ALG8: variants seen among roughly 807,000 people sequenced by gnomAD.
ALG8 encodes the protein ALG8 alpha-1,3-glucosyltransferase.
In ALG8, 48 loss-of-function variants were observed where a neutral mutation model predicts 70.2. The ratio of observed to expected loss-of-function variants is 0.68; its 90% confidence interval spans 0.54 to 0.87. The LOEUF is 0.87. Ranked by LOEUF, ALG8 falls within the 40% of genes least tolerant of loss-of-function variation. ALG8 has a pLI of 0.00. For synonymous variants in ALG8, 234 were observed against 229.0 expected (o/e 1.02, Z -0.20); for missense variants, 572 against 608.7 (o/e 0.94, Z 0.64).
At chr11:78,114,680 A>C in intron 5 of ALG8, 1 of 441,120 alleles carries the variant, frequency 2.3e-6, no homozygotes, top group Non-Finnish European at 4.2e-6. Context: ...AAAAACTAAA[A>C]TTAGGCTAAG....
Position 78,101,079 on chromosome 11 carries a change from A to T in ALG8, c.1466T>A (p.Phe489Tyr). 1 of 1,614,236 alleles carries T rather than the reference A, an allele frequency of 6.2e-7. No homozygotes were observed. The highest frequency in any genetic ancestry group is 8.5e-7 in the Non-Finnish European group (1 of 1,180,026). Residue 489 changes from phenylalanine to tyrosine, a missense_variant, in exon 13 of 13, where the codon TTC (phenylalanine) becomes TAC (tyrosine). Phe to Tyr is a conservative substitution (Grantham distance 22). Transcript: ENST00000299626. ...PFTSWKVKYP[F>Y]IPLLLTSVYC... Reference sequence around the variant, plus strand: ...CACTGAGGTTAGTAACAAAGGGATGAAGGGGTACTTCACCTTCCAGGAGGT... The same window carrying T: ...CACTGAGGTTAGTAACAAAGGGATGTAGGGGTACTTCACCTTCCAGGAGGT...
chr11:78,115,525 A>C (rs979297774), intron 5 of ALG8, among the ~76,000 whole-genome samples: 2 of 151,580 alleles, frequency 1.3e-5, no homozygotes, highest in African/African-American at 4.9e-5. Flanking sequence ...TGGGATTACA[A>C]GTGCCCACCA....
intron 1 of ALG8, chr11:78,138,821 A>G (rs1324936821): frequency 8.8e-6 from 4 of 456,218 alleles, no homozygotes; most frequent in South Asian, 6.2e-5. Flanking sequence ...ACCCTGTGTT[A>G]TCTGTCCCCA....
chr11:78,117,052 T>C (rs1860606206), intron 5 of ALG8, among the ~76,000 whole-genome samples: 1 of 152,222 alleles, frequency 6.6e-6, no homozygotes, highest in African/African-American at 2.4e-5. Context: ...AAGCTTTTTA[T>C]GGTTAAAAGA....
At chr11:78,126,706 C>A (rs1252620412) in intron 2 of ALG8, among the ~76,000 whole-genome samples, 1 of 152,086 alleles carries the variant, frequency 6.6e-6, no homozygotes, top group Non-Finnish European at 1.5e-5. Flanking sequence ...ATAATTCACT[C>A]CAAATCCTCA....
chr11:78,136,381 A>G (rs1861553239), intron 1 of ALG8, among the ~76,000 whole-genome samples: 1 of 151,304 alleles, frequency 6.6e-6, no homozygotes, highest in East Asian at 1.9e-4. Context: ...GAGAGAAAGG[A>G]AAAAAAATTA....
At position 78,106,774 on chromosome 11, in the gene ALG8, C is replaced by A. The variant is rs749810326; in HGVS notation, c.1178+33G>T. The A allele has an allele frequency of 1.8e-5, 29 of 1,612,872 alleles. No homozygotes were observed. The Admixed American group carries it at 4.7e-4, about 26-fold the overall frequency. On this transcript the variant is annotated intron_variant, in intron 10 of 12. Transcript: ENST00000299626. ...GAAAATAGGATCATTGTGAAATATG[C>A]CAAAATGCTCACTGGCTGAGCTATC...
In ALG8 at chr11:78,139,555, T is replaced by A. The variant is rs370933616; in HGVS notation, c.34A>T (p.Asn12Tyr). ...CCGAGCGCCAAAGCCGAAAACCAAT[T>A]GCCAGTACCCGTGGCAATTGTGAGC... The part of the protein sequence containing the change: ...AALTIATGTG[N>Y]WFSALALGVT... Residue 12 changes from asparagine (N) to tyrosine (Y), a missense_variant, in exon 1 of 13, where the codon AAT becomes TAT. Coordinates refer to ENST00000299626, the MANE Select transcript of ALG8 (RefSeq NM_024079.5). The A allele has an allele frequency of 2.8e-5, 44 of 1,561,676 alleles. No homozygotes were observed. Among genetic ancestry groups the A allele is most frequent in the Non-Finnish European group, 3.8e-5 (44 of 1,152,446 alleles).
intron 5 of ALG8, among the ~76,000 whole-genome samples, chr11:78,117,579 C>A (rs1860631200): frequency 6.7e-6 from 1 of 148,246 alleles, no homozygotes; most frequent in South Asian, 2.2e-4. Context: ...TTAAGACCAG[C>A]CTGGACAACA....
At chr11:78,116,869 G>T (rs1243498051) in intron 5 of ALG8, among the ~76,000 whole-genome samples, 1 of 152,168 alleles carries the variant, frequency 6.6e-6, no homozygotes, top group Non-Finnish European at 1.5e-5. Flanking sequence ...TCTAGAATTG[G>T]TAGCTTTAGG....
intron 3 of ALG8, among the ~76,000 whole-genome samples, chr11:78,123,266 A>G (rs1860904055): frequency 6.8e-6 from 1 of 147,874 alleles, no homozygotes; most frequent in Non-Finnish European, 1.5e-5. Flanking sequence ...TCGCGCCACA[A>G]TACTCTAGCC....
chr11:78,138,928 G>A (rs908090568), intron 1 of ALG8: 6 of 392,614 alleles, frequency 1.5e-5, no homozygotes, highest in Non-Finnish European at 2.5e-5. Flanking sequence ...TCCTGCCACA[G>A]GGCCTTTGAA....
chr11:78,121,146 C>T lies in ALG8; in HGVS notation c.397G>A (p.Val133Met), dbSNP rs770665646. ...ECCKCIDGKK[V>M]GKELTEKPKF... ...GGCTTTTCTGTAAGTTCTTTACCCA[C>T]TTTTTTTCCATCAATGCATTTACAG... The change falls in exon 4 of 13, where the codon GTG becomes ATG. Residue 133 changes from valine to methionine, a missense_variant. Transcript: ENST00000299626. The T allele has an allele frequency of 3.1e-6, 5 of 1,613,598 alleles. No individual in the cohort carries two copies. The African/African-American group carries it at 6.7e-5, about 22-fold the overall frequency.
At chr11:78,120,903 G>C (rs1168002601) in intron 4 of ALG8, among the ~76,000 whole-genome samples, 162 bp downstream of exon 4, 2 of 152,152 alleles carry the variant, frequency 1.3e-5, no homozygotes, top group Non-Finnish European at 2.9e-5. Flanking sequence ...TCAGAGTCCA[G>C]TGAAGTTGGG....
intron 1 of ALG8, among the ~76,000 whole-genome samples, chr11:78,136,145 G>A (rs895690313): frequency 1.3e-5 from 2 of 151,932 alleles, no homozygotes; most frequent in Non-Finnish European, 2.9e-5. Flanking sequence ...ACTCCAGCCT[G>A]ACAAAGTGAA....
intron 3 of ALG8, among the ~76,000 whole-genome samples, chr11:78,122,913 T>C (rs1565356762): frequency 6.6e-6 from 1 of 152,084 alleles, no homozygotes; most frequent in Non-Finnish European, 1.5e-5. Flanking sequence ...AAGGGTTCAG[T>C]GTAGAGGGCC....
At chr11:78,125,931 G>A (rs569333224) in intron 2 of ALG8, among the ~76,000 whole-genome samples, 17 of 152,142 alleles carry the variant, frequency 1.1e-4, no homozygotes, top group Admixed American at 2.6e-4. Context: ...AGGCCGAGGC[G>A]GGCAGATCAC....
rs531530180 is a variant in ALG8, at chr11:78,124,407, A to G, written c.175-193T>C. ...CGCTTGAGCCCAGGAGTTCAAGACC[A>G]GTCTGGGCAACATGGTAAAACCCTG... On this transcript the variant is annotated intron_variant, in intron 2 of 12. Coordinates refer to ENST00000299626, the MANE Select transcript of ALG8 (RefSeq NM_024079.5). Among the ~76,000 whole-genome samples, 28 of 152,350 alleles carry G rather than the reference A, an allele frequency of 1.8e-4. No individual in the cohort carries two copies. In the South Asian group the frequency reaches 5.4e-3, roughly 29 times the overall value.
chr11:78,123,625 G>C (rs1382251388), intron 3 of ALG8, among the ~76,000 whole-genome samples: 1 of 152,158 alleles, frequency 6.6e-6, no homozygotes, highest in Non-Finnish European at 1.5e-5. Flanking sequence ...ATCCATACGT[G>C]TGCGCTACTG....
Sources: allele counts gnomAD v4.1 joint callset (sites outside exome capture counted in the v4.1 genomes callset), GRCh38; gene constraint gnomAD v4.1.1; transcripts MANE v1.5; gene names NCBI Gene and HGNC (gene_info 2026-07-23, HGNC 2026-07-21).